The following MACROD2 variants were observed in gnomAD, a reference collection of about 807,000 sequenced individuals.
MACROD2 encodes the protein mono-ADP ribosylhydrolase 2, also known as ADP-ribose glycohydrolase MACROD2.
A neutral mutation model predicts 70.4 loss-of-function variants in MACROD2; 36 were observed. The ratio of observed to expected loss-of-function variants is 0.51; its 90% CI spans 0.39 to 0.68. The LOEUF is 0.68. Ranked by LOEUF, MACROD2 falls within the 30% of genes least tolerant of loss-of-function variation. The pLI is 0.00. For synonymous variants in MACROD2, 172 were observed against 178.8 expected (o/e 0.96, Z 0.30); for missense variants, 496 against 538.4 (o/e 0.92, Z 0.78).
intron 5 of MACROD2, among the ~76,000 whole-genome samples, chr20:14,732,783 C>T (rs2071614563): frequency 6.6e-6 from 1 of 152,070 alleles, no homozygotes; most frequent in South Asian, 2.1e-4. Context: ...TCTCCCCCTT[C>T]AATCTTTGAT....
intron 6 of MACROD2, among the ~76,000 whole-genome samples, chr20:15,405,986 C>T (rs569164201): frequency 1.3e-5 from 2 of 152,342 alleles, no homozygotes; most frequent in South Asian, 4.1e-4. Context: ...TCAGTGAGGA[C>T]ATGATGATCA....
At chr20:15,334,819 T>A (rs969298415) in intron 6 of MACROD2, among the ~76,000 whole-genome samples, 3 of 151,744 alleles carry the variant, frequency 2.0e-5, no homozygotes, top group Non-Finnish European at 1.5e-5. Flanking sequence ...TTAGCTCATG[T>A]TTAAACATTT....
intron 3 of MACROD2, among the ~76,000 whole-genome samples, chr20:14,491,172 AGTAATAACTAC>A (rs1334159212): frequency 3.3e-5 from 5 of 152,222 alleles, no homozygotes; most frequent in Non-Finnish European, 7.4e-5. Flanking sequence ...GTGGAGGTAA[AGTAATAACTAC>A]AAATAACAAT....
intron 1 of MACROD2, among the ~76,000 whole-genome samples, chr20:13,998,371 C>T (rs2148606285): frequency 6.6e-6 from 1 of 152,176 alleles, no homozygotes; most frequent in Non-Finnish European, 1.5e-5. Context: ...TAAGTGTTCA[C>T]ACTTCAACTT....
chr20:15,074,019 G>A (rs569926912), intron 5 of MACROD2, among the ~76,000 whole-genome samples: 3 of 152,136 alleles, frequency 2.0e-5, no homozygotes, highest in Non-Finnish European at 2.9e-5. Flanking sequence ...ATTTTACTAT[G>A]AAAATGCAAT....
At chr20:14,996,107 G>A (rs1385861595) in intron 5 of MACROD2, among the ~76,000 whole-genome samples, 1 of 152,086 alleles carries the variant, frequency 6.6e-6, no homozygotes, top group Non-Finnish European at 1.5e-5. Context: ...AAGTAATATG[G>A]AAAATGAAGG....
At chr20:14,866,987 TC>T (rs1162699193) in intron 5 of MACROD2, among the ~76,000 whole-genome samples, 1 of 152,078 alleles carries the variant, frequency 6.6e-6, no homozygotes, top group Non-Finnish European at 1.5e-5. Flanking sequence ...ACAGTAATTT[TC>T]CCCCCTGCCT....
chr20:15,457,255 A>T (rs760589146), intron 7 of MACROD2, among the ~76,000 whole-genome samples: 20 of 152,096 alleles, frequency 1.3e-4, no homozygotes, highest in Non-Finnish European at 2.5e-4. Flanking sequence ...TCCTGCCTTG[A>T]CTATTCTGTA....
intron 8 of MACROD2, among the ~76,000 whole-genome samples, chr20:15,545,200 G>T (rs558669308): frequency 6.6e-6 from 1 of 152,292 alleles, no homozygotes; most frequent in East Asian, 1.9e-4. Flanking sequence ...AGAAAATTAT[G>T]ATGTTTGGCA....
intron 4 of MACROD2, among the ~76,000 whole-genome samples, chr20:14,588,059 A>G (rs1035255984): frequency 6.6e-6 from 1 of 152,102 alleles, no homozygotes; most frequent in African/African-American, 2.4e-5. Context: ...TAACTTTATA[A>G]AAGGAATTAA....
chr20:15,500,944 C>T (rs1456073247), intron 8 of MACROD2, among the ~76,000 whole-genome samples: 1 of 152,086 alleles, frequency 6.6e-6, no homozygotes, highest in South Asian at 2.1e-4. Flanking sequence ...GCTAAAATAG[C>T]CAGCTTACAA....
intron 5 of MACROD2, among the ~76,000 whole-genome samples, chr20:14,931,511 T>G (rs1273665983): frequency 6.6e-6 from 1 of 152,128 alleles, no homozygotes; most frequent in Non-Finnish European, 1.5e-5. Context: ...CTTGAGTTAT[T>G]GCTGTTAGGT....
intron 5 of MACROD2, among the ~76,000 whole-genome samples, chr20:15,045,806 T>G (rs1288450740): frequency 1.4e-5 from 2 of 142,536 alleles, no homozygotes; most frequent in African/African-American, 2.5e-5. Flanking sequence ...AAAAATGGCC[T>G]TGTTATAACT....
At chr20:14,146,258 G>T (rs1022567843) in intron 3 of MACROD2, among the ~76,000 whole-genome samples, 43 of 152,272 alleles carry the variant, frequency 2.8e-4, no homozygotes, top group African/African-American at 9.4e-4. Flanking sequence ...GGCGGAGCTT[G>T]CAGTGAGCCG....
At chr20:14,893,122 G>A (rs1392444697) in intron 5 of MACROD2, 2 of 152,064 alleles carry the variant, frequency 1.3e-5, no homozygotes, top group East Asian at 1.9e-4. Flanking sequence ...GAGTGTGATA[G>A]GAATTCTTCT....
intron 5 of MACROD2, among the ~76,000 whole-genome samples, chr20:15,215,683 A>G (rs1210256638): frequency 6.6e-6 from 1 of 152,124 alleles, no homozygotes; most frequent in Non-Finnish European, 1.5e-5. Context: ...TAGGCAACAA[A>G]CATATTTATA....
intron 7 of MACROD2, among the ~76,000 whole-genome samples, chr20:15,495,184 C>A (rs555043003): frequency 2.6e-5 from 4 of 152,302 alleles, no homozygotes; most frequent in African/African-American, 9.6e-5. Context: ...CTGAGGAAGG[C>A]CTTTTTCTCT....
chr20:14,668,532 ATCC>A (rs920142858), intron 4 of MACROD2, among the ~76,000 whole-genome samples: 2 of 152,130 alleles, frequency 1.3e-5, no homozygotes, highest in African/African-American at 4.8e-5. Flanking sequence ...TCGGATTGGG[ATCC>A]TCCCATAGGT....
At chr20:14,863,403 G>A (rs407600) in intron 5 of MACROD2, among the ~76,000 whole-genome samples, 126,811 of 152,074 alleles carry the variant, frequency 0.83, 53,198 homozygotes, top group Non-Finnish European at 0.87. Context: ...GGGGTGAGGA[G>A]TAAAGGAACG....
Sources: gnomAD v4.1 joint callset for allele counts (sites outside exome capture counted in the v4.1 genomes callset) on GRCh38, gnomAD v4.1.1 for gene constraint, MANE v1.5 for transcripts, NCBI Gene and HGNC (gene_info 2026-07-23, HGNC 2026-07-21) for gene names.